ACAN: variants seen among roughly 807,000 people sequenced by gnomAD.
ACAN encodes aggrecan core protein.
A neutral mutation model predicts 169.1 loss-of-function variants in ACAN; 47 were observed. That is an observed-to-expected ratio of 0.28 (90% CI 0.22 to 0.35). The LOEUF is 0.35. Ranked by LOEUF, ACAN falls within the 10% of genes least tolerant of loss-of-function variation. The pLI, the probability that ACAN is intolerant of heterozygous loss-of-function variation, is 1.00. For missense variants in ACAN, 2,716 were observed against 2,759.9 expected, an observed-to-expected ratio of 0.98 and a Z score of 0.36; for synonymous variants, 1,115 against 1,112.2, an observed-to-expected ratio of 1.00 and a Z score of -0.05.
At chr15:88,852,098 C>A (rs967807817) in intron 11 of ACAN, 65 bp downstream of exon 11, 9 of 1,524,690 alleles carry the variant, frequency 5.9e-6, no homozygotes, top group Non-Finnish European at 7.1e-6. Context: ...CTACAGTGTG[C>A]CTGGTGGGGC....
At position 88,873,291 on chromosome 15, in the gene ACAN, CCACTCCA is replaced by C. The variant is rs1897426958; in HGVS notation, c.7447+277_7447+283del. On this transcript the variant is annotated intron_variant, in intron 17 of 18. Coordinates refer to ENST00000560601, the MANE Select transcript of ACAN (RefSeq NM_001369268.1). This position sits in a 1 kb window ranked among gnomAD's most constrained non-coding sequence, Gnocchi z 7.5. ...GGTCACAGGCTAGAAGACAGGACCC[CCACTCCA>C]CACTCCACACAGTCCCTTGGATAGC... is the stretch of plus-strand genomic sequence containing the variant. Among the ~76,000 whole-genome samples, 3 of 152,314 alleles carry C rather than the reference CCACTCCA, an allele frequency of 2.0e-5. No homozygotes were observed. The highest frequency in any genetic ancestry group is 1.3e-4 in the Admixed American group (2 of 15,300).
intron 1 of ACAN, among the ~76,000 whole-genome samples, chr15:88,828,720 CTT>C (rs1222510578): frequency 1.3e-5 from 2 of 152,324 alleles, no homozygotes; most frequent in East Asian, 3.9e-4. Context: ...AGGTGGAACT[CTT>C]CTCTGCACTG....
chr15:88,847,764 C>T, intron 8 of ACAN, 147 bp from the exon 9 acceptor site: 1 of 1,081,310 alleles, frequency 9.2e-7, no homozygotes, highest in Non-Finnish European at 1.3e-6. Flanking sequence ...GAACTTGCTG[C>T]ATAAGGGGCT....
chr15:88,854,774 T>A, intron 11 of ACAN, 78 bp from the exon 12 acceptor site: 4 of 1,327,432 alleles, frequency 3.0e-6, no homozygotes, highest in Non-Finnish European at 3.9e-6. Flanking sequence ...AAGAATGGAG[T>A]TTAGATTCTA....
Position 88,840,108 on chromosome 15 carries a change from C to T in ACAN, c.551C>T (p.Thr184Met), listed in dbSNP as rs771509541. The change falls in exon 4 of 19, where the codon ACG becomes ATG. Residue 184 changes from threonine (T) to methionine (M), a missense_variant. Transcript: ENST00000560601. ...ACLQNSAIIATPEQLQAAYED... is the reference protein window; with the variant it reads ...ACLQNSAIIAMPEQLQAAYED... ...CTGCAGAACAGTGCCATCATTGCCACGCCTGAGCAGCTGCAGGCCGCCTAC... is the reference window on the plus strand; with the variant it reads ...CTGCAGAACAGTGCCATCATTGCCATGCCTGAGCAGCTGCAGGCCGCCTAC... 106 of 1,605,464 alleles carry T rather than the reference C, an allele frequency of 6.6e-5. No homozygotes were observed. Among genetic ancestry groups the T allele is most frequent in the Middle Eastern group, 3.3e-4 (2 of 6,074 alleles).
intron 1 of ACAN, among the ~76,000 whole-genome samples, chr15:88,815,655 TTAAAAAAAAA>T (rs1895922940): frequency 8.4e-5 from 6 of 71,592 alleles, no homozygotes; most frequent in Non-Finnish European, 1.3e-4. Flanking sequence ...TCTGCACTGA[TTAAAAAAAAA>T]AAAAAAAAAA....
At chr15:88,841,672 C>T (rs1896664121) in intron 4 of ACAN, 68 bp from the exon 5 acceptor site, 2 of 1,593,670 alleles carry the variant, frequency 1.3e-6, no homozygotes, top group East Asian at 2.2e-5. Context: ...GAGGAGGATT[C>T]AAAGGCAGAG....
At chr15:88,825,979 T>G (rs2141530102) in intron 1 of ACAN, among the ~76,000 whole-genome samples, 1 of 152,314 alleles carries the variant, frequency 6.6e-6, no homozygotes, top group South Asian at 2.1e-4. Context: ...TGGGCTGATT[T>G]CTGAAGCTGA....
Position 88,849,631 on chromosome 15 carries a change from C to G in ACAN, c.1926C>G (p.Ala642=). ...ACCCCATCGTCACCCCAAGGCCTGC[C>G]TGCGGTGGGGACAAGCCAGGCGTGA... The part of the protein sequence containing the change: ...LRYPIVTPRP[A]CGGDKPGVRT... Residue 642 remains alanine, a synonymous_variant, in exon 10 of 19, where the codon GCC becomes GCG. Transcript: ENST00000560601. This position sits in a 1 kb window ranked among gnomAD's most constrained non-coding sequence, Gnocchi z 5.1. 1 of 1,612,890 alleles carries G rather than the reference C, an allele frequency of 6.2e-7. No homozygotes were observed. The highest frequency in any genetic ancestry group is 8.5e-7 in the Non-Finnish European group (1 of 1,179,672).
intron 12 of ACAN, among the ~76,000 whole-genome samples, chr15:88,859,677 G>A (rs1370189586): frequency 6.6e-6 from 1 of 152,230 alleles, no homozygotes; most frequent in Non-Finnish European, 1.5e-5. Flanking sequence ...TCTGCATGCA[G>A]TGCACACTTG....
chr15:88,841,776 A>T lies in ACAN; in HGVS notation c.666A>T (p.Gly222=). 2 of 1,613,474 alleles carry T rather than the reference A, an allele frequency of 1.2e-6. No individual in the cohort carries two copies. Among genetic ancestry groups the T allele is most frequent in the Non-Finnish European group, 1.7e-6 (2 of 1,179,776 alleles). Reference sequence around the variant, plus strand: ...ACACTCCCCGGGAAGGCTGCTATGGAGACAAGGATGAGTTTCCTGGTGTGA... The same window carrying T: ...ACACTCCCCGGGAAGGCTGCTATGGTGACAAGGATGAGTTTCCTGGTGTGA... The part of the protein sequence containing the change: ...PIHTPREGCY[G]DKDEFPGVRT... The change falls in exon 5 of 19, where the codon GGA becomes GGT. Residue 222 remains glycine, a synonymous_variant. Coordinates refer to ENST00000560601, the MANE Select transcript of ACAN (RefSeq NM_001369268.1).
At position 88,855,078 on chromosome 15, in the gene ACAN, C is replaced by A. The variant is rs768559740; in HGVS notation, c.2493C>A (p.Pro831=). 1 of 1,586,880 alleles carries A rather than the reference C, an allele frequency of 6.3e-7. No homozygotes were observed. Among genetic ancestry groups the A allele is most frequent in the Admixed American group, 1.8e-5 (1 of 56,440 alleles). Residue 831 remains proline (P), a synonymous_variant, in exon 12 of 19, where the codon CCC becomes CCA. Transcript: ENST00000560601. The part of the protein sequence containing the change: ...EEPFPSKEPS[P]SEEPSASEEP... ...CATTCCCCTCCAAGGAGCCATCCCC[C>A]TCAGAGGAACCATCAGCCTCGGAAG...
At chr15:88,828,268 C>A (rs1338146074) in intron 1 of ACAN, among the ~76,000 whole-genome samples, 1 of 152,192 alleles carries the variant, frequency 6.6e-6, no homozygotes, top group African/African-American at 2.4e-5. Context: ...CAGGGCCAGA[C>A]CCTAGCCCCA....
chr15:88,842,491 A>G (rs1896685970), intron 5 of ACAN, among the ~76,000 whole-genome samples: 2 of 144,684 alleles, frequency 1.4e-5, no homozygotes, highest in Non-Finnish European at 3.0e-5. Context: ...TGCAATGTCT[A>G]TCTCCTCCCT....
At chr15:88,811,513 G>A (rs1364901064) in intron 1 of ACAN, among the ~76,000 whole-genome samples, 4 of 152,208 alleles carry the variant, frequency 2.6e-5, no homozygotes, top group Non-Finnish European at 5.9e-5. Context: ...TCTAAAGGCT[G>A]GCCATGCTGG....
At chr15:88,810,029 A>AGATAC (rs1895779675) in intron 1 of ACAN, among the ~76,000 whole-genome samples, 2 of 152,184 alleles carry the variant, frequency 1.3e-5, no homozygotes, top group Non-Finnish European at 2.9e-5. Context: ...AGAGTCATGA[A>AGATAC]ACACTGGAGC....
intron 1 of ACAN, among the ~76,000 whole-genome samples, chr15:88,805,870 C>G (rs1895666815): frequency 6.6e-6 from 1 of 152,316 alleles, no homozygotes; most frequent in Non-Finnish European, 1.5e-5. Flanking sequence ...TTCCCCATCT[C>G]TCTCACACCC....
chr15:88,846,851 C>T (rs1365112857), intron 7 of ACAN, among the ~76,000 whole-genome samples: 1 of 152,196 alleles, frequency 6.6e-6, no homozygotes, highest in Non-Finnish European at 1.5e-5. Context: ...GCCCACAAAG[C>T]CTAAAATATT....
chr15:88,853,183 C>G (rs930069041), intron 11 of ACAN, among the ~76,000 whole-genome samples: 2 of 152,312 alleles, frequency 1.3e-5, no homozygotes, highest in Non-Finnish European at 2.9e-5. Flanking sequence ...CTGGCAACCA[C>G]GAGTGGGGAG....
Sources: gnomAD v4.1 joint callset for allele counts (sites outside exome capture counted in the v4.1 genomes callset) on GRCh38, gnomAD v4.1.1 for gene constraint, Gnocchi (gnomAD v3.1) non-coding constraint, MANE v1.5 for transcripts, NCBI Gene and HGNC (gene_info 2026-07-23, HGNC 2026-07-21) for gene names.